TMPRSS15: variants seen among roughly 807,000 people sequenced by gnomAD.
TMPRSS15 encodes the protein enteropeptidase.
TMPRSS15 carries 128 observed loss-of-function variants against 125.3 expected under a neutral mutation model. The observed-to-expected ratio is 1.02, with a 90% confidence interval of 0.89 to 1.18. The LOEUF (loss-of-function observed/expected upper bound fraction) is 1.18, where lower values mean the gene tolerates loss of function less well. TMPRSS15 is among the 50% of genes most tolerant of loss of function. The probability of loss-of-function intolerance (pLI) is 0.00; values close to 1 mark genes in which losing one functional copy is unlikely to be tolerated. For synonymous variants in TMPRSS15, 446 were observed against 423.2 expected, an observed-to-expected ratio of 1.05 and a Z score of -0.66; for missense variants, 1,283 against 1,212.7, an observed-to-expected ratio of 1.06 and a Z score of -0.86.
Position 18,365,967 on chromosome 21 carries a change from A to G in TMPRSS15, c.665-719T>C, listed in dbSNP as rs557860616. ...CCAGGCTGGTCTCGATCTCCTGACC[A>G]TAGGTGATCTGCACTCCTAGGACTC... On this transcript the variant is annotated intron_variant, in intron 6 of 24. Coordinates refer to ENST00000284885, the MANE Select transcript of TMPRSS15 (RefSeq NM_002772.3). Among the ~76,000 whole-genome samples, 4 of 151,682 alleles carry G rather than the reference A, an allele frequency of 2.6e-5. No homozygotes were observed. In the East Asian group the frequency reaches 7.8e-4, roughly 30 times the overall value.
chr21:18,468,625 A>G (rs773798916), intron 1 of TMPRSS15, among the ~76,000 whole-genome samples: 17 of 152,166 alleles, frequency 1.1e-4, no homozygotes, highest in Non-Finnish European at 2.1e-4. Flanking sequence ...GAAGTCTCAT[A>G]TTTGATTTAC....
intron 6 of TMPRSS15, among the ~76,000 whole-genome samples, chr21:18,367,827 G>A (rs185782334): frequency 9.2e-5 from 14 of 152,152 alleles, no homozygotes; most frequent in African/African-American, 3.4e-4. Flanking sequence ...CAACCATAAG[G>A]CCTCCTAGCT....
intron 10 of TMPRSS15, among the ~76,000 whole-genome samples, chr21:18,344,526 C>T (rs940986081): frequency 6.6e-6 from 1 of 152,302 alleles, no homozygotes; most frequent in South Asian, 2.1e-4. Context: ...TCACTGAACA[C>T]TTCATATCTC....
At chr21:18,319,308 A>G (rs2075208687) in intron 16 of TMPRSS15, among the ~76,000 whole-genome samples, 1 of 152,050 alleles carries the variant, frequency 6.6e-6, no homozygotes, top group African/African-American at 2.4e-5. Flanking sequence ...AGGAGAACAA[A>G]TTTTATAAGA....
intron 18 of TMPRSS15, among the ~76,000 whole-genome samples, chr21:18,309,669 T>C (rs1202771811): frequency 3.3e-5 from 5 of 151,906 alleles, no homozygotes; most frequent in Admixed American, 6.6e-5. Flanking sequence ...CCAACAAATA[T>C]ATGAAAAAAA....
chr21:18,383,101 G>C (rs569350133), intron 4 of TMPRSS15, among the ~76,000 whole-genome samples: 12 of 152,200 alleles, frequency 7.9e-5, no homozygotes, highest in Admixed American at 3.3e-4. Context: ...ACAATGTCTA[G>C]AGAGAGTTCC....
Position 18,304,504 on chromosome 21 carries a change from T to C in TMPRSS15, c.2166-6675A>G, listed in dbSNP as rs539138143. Among the ~76,000 whole-genome samples the C allele has an allele frequency of 5.3e-5, 8 of 152,286 alleles. No homozygotes were observed. The South Asian group carries it at 1.2e-3, about 24-fold the overall frequency. ...ATCCATGGAAGTTCATGATAACATG[T>C]AGGAGGTTGGTAGTTGGCAAAGAAA... On this transcript the variant is annotated intron_variant, in intron 18 of 24. Transcript: ENST00000284885.
intron 7 of TMPRSS15, among the ~76,000 whole-genome samples, chr21:18,360,546 G>T (rs2075670519): frequency 6.6e-6 from 1 of 152,082 alleles, no homozygotes; most frequent in African/African-American, 2.4e-5. Context: ...TGTGGAAAAA[G>T]ACTATCCTTT....
At chr21:18,343,115 C>A (rs745413299) in intron 12 of TMPRSS15, among the ~76,000 whole-genome samples, 2 of 152,016 alleles carry the variant, frequency 1.3e-5, no homozygotes, top group Non-Finnish European at 2.9e-5. Flanking sequence ...TGCCTATGGG[C>A]ATAGGCATAG....
chr21:18,454,601 G>A (rs1978405343), intron 1 of TMPRSS15, among the ~76,000 whole-genome samples: 1 of 152,104 alleles, frequency 6.6e-6, no homozygotes, highest in South Asian at 2.1e-4. Flanking sequence ...CCAGTACAAA[G>A]CCAAGAGTCT....
intron 1 of TMPRSS15, among the ~76,000 whole-genome samples, chr21:18,479,702 C>T (rs1341422916): frequency 1.3e-5 from 2 of 151,932 alleles, no homozygotes. Context: ...CATCTTATAC[C>T]AGTTAGAATG....
chr21:18,433,696 A>T (rs2076221697), intron 1 of TMPRSS15, among the ~76,000 whole-genome samples: 1 of 150,332 alleles, frequency 6.7e-6, no homozygotes, highest in African/African-American at 2.4e-5. Context: ...AGAAAATAAC[A>T]TAGTTTGAGG....
intron 1 of TMPRSS15, among the ~76,000 whole-genome samples, chr21:18,459,268 CTT>C (rs796164042): frequency 2.1e-5 from 3 of 146,234 alleles, no homozygotes; most frequent in African/African-American, 7.5e-5. Context: ...CAGGTCTACT[CTT>C]TTTTTTTTTT....
chr21:18,289,256 T>TA (rs2074804008), intron 21 of TMPRSS15, among the ~76,000 whole-genome samples: 1 of 152,190 alleles, frequency 6.6e-6, no homozygotes, highest in African/African-American at 2.4e-5. Flanking sequence ...CTCACACCTG[T>TA]AATCCCAGCA....
intron 1 of TMPRSS15, among the ~76,000 whole-genome samples, chr21:18,436,294 C>A (rs1366598412): frequency 3.3e-5 from 5 of 151,948 alleles, no homozygotes; most frequent in Non-Finnish European, 7.4e-5. Flanking sequence ...CCTCTACACA[C>A]TGCTTTGAAT....
Position 18,389,108 on chromosome 21 carries a change from A to G in TMPRSS15, c.345-5330T>C, listed in dbSNP as rs1391143880. Among the ~76,000 whole-genome samples the G allele has an allele frequency of 5.9e-5, 9 of 151,554 alleles. No homozygotes were observed. The East Asian group carries it at 1.7e-3, about 29-fold the overall frequency. ...AGAGAAAGAAAGAAAGAAGAAAAAA[A>G]GAGAAAGAGAAAGAAAGAAAGATGG... On this transcript the variant is annotated intron_variant, in intron 3 of 24. Transcript: ENST00000284885.
At chr21:18,309,236 C>T (rs148564639) in intron 18 of TMPRSS15, among the ~76,000 whole-genome samples, 11,501 of 152,114 alleles carry the variant, frequency 0.076, 788 homozygotes, top group East Asian at 0.34. Context: ...CCCTTTCTTA[C>T]ACCTTATACA....
chr21:18,318,144 G>A (rs1057209007), intron 16 of TMPRSS15, among the ~76,000 whole-genome samples: 5 of 152,152 alleles, frequency 3.3e-5, no homozygotes, highest in Non-Finnish European at 5.9e-5. Flanking sequence ...TTGGCAAGGT[G>A]GACACTGGAA....
chr21:18,310,665 A>T (rs989031595), intron 18 of TMPRSS15, among the ~76,000 whole-genome samples: 12 of 152,070 alleles, frequency 7.9e-5, no homozygotes, highest in Non-Finnish European at 1.5e-4. Flanking sequence ...ATTTAATGCA[A>T]TCCCTATCAA....
Sources: allele counts gnomAD v4.1 joint callset (sites outside exome capture counted in the v4.1 genomes callset), GRCh38; gene constraint gnomAD v4.1.1; transcripts MANE v1.5; gene names NCBI Gene and HGNC (gene_info 2026-07-23, HGNC 2026-07-21).